Variants in NTRK2 observed in about 807,000 individuals in gnomAD.
NTRK2 encodes the protein BDNF/NT-3 growth factors receptor.
NTRK2 carries 13 observed loss-of-function variants against 94.5 expected under a neutral mutation model. The observed-to-expected ratio is 0.14, with a 90% confidence interval of 0.09 to 0.22. NTRK2 has a LOEUF of 0.22. NTRK2 is among the 10% of genes least tolerant of loss of function. The pLI is 1.00. For missense variants in NTRK2, 639 were observed against 1,071.2 expected, an observed-to-expected ratio of 0.60 and a Z score of 5.63; for synonymous variants, 372 against 407.4, an observed-to-expected ratio of 0.91 and a Z score of 1.05.
chr9:84,684,140 A>G (rs1564043399), intron 2 of NTRK2, among the ~76,000 whole-genome samples: 1 of 151,794 alleles, frequency 6.6e-6, no homozygotes, highest in Non-Finnish European at 1.5e-5. Context: ...CCCATTCTGT[A>G]GGTTGCCTGT....
At chr9:84,839,532 G>A (rs1298008684) in intron 12 of NTRK2, among the ~76,000 whole-genome samples, 2 of 152,162 alleles carry the variant, frequency 1.3e-5, no homozygotes, top group African/African-American at 4.8e-5. Context: ...AATCCTTGGG[G>A]TCACTCTTAC....
At chr9:84,799,671 C>T (rs1209276500) in intron 12 of NTRK2, among the ~76,000 whole-genome samples, 1 of 151,816 alleles carries the variant, frequency 6.6e-6, no homozygotes, top group Non-Finnish European at 1.5e-5. Flanking sequence ...CATGGGAGGG[C>T]ATTTTCACTA....
intron 12 of NTRK2, among the ~76,000 whole-genome samples, chr9:84,756,216 A>G (rs2065068665): frequency 6.6e-6 from 1 of 152,226 alleles, no homozygotes; most frequent in Non-Finnish European, 1.5e-5. Flanking sequence ...AGTAGGGCTG[A>G]AAGAATTTTC....
rs79429734 is a variant in NTRK2, at chr9:84,839,295, A to G, written c.1397-21745A>G. The stretch of plus-strand genomic sequence containing the variant: ...AGGGCAGATTTTAATTCTGACTTTT[A>G]ATTGGCCTGTCTTGTATCCTGTTCA... On this transcript the variant is annotated intron_variant, in intron 12 of 18. Transcript: ENST00000277120. Among the ~76,000 whole-genome samples, 731 of 152,324 alleles carry G rather than the reference A, an allele frequency of 4.8e-3. 10 individuals are homozygous for G. The highest frequency in any genetic ancestry group is 0.017 in the African/African-American group (690 of 41,574).
intron 14 of NTRK2, among the ~76,000 whole-genome samples, chr9:84,918,176 G>A (rs886067952): frequency 3.3e-5 from 5 of 152,174 alleles, no homozygotes; most frequent in African/African-American, 1.2e-4. Flanking sequence ...TTTGGAGCAG[G>A]GCTTCACATA....
intron 12 of NTRK2, among the ~76,000 whole-genome samples, chr9:84,846,338 G>A (rs2074471637): frequency 6.6e-6 from 1 of 152,216 alleles, no homozygotes; most frequent in Admixed American, 6.5e-5. Context: ...GTGATCAATA[G>A]AATGCAGTTT....
rs551963671 is a variant in NTRK2 at position 84,926,462 on chromosome 9, C to T, written c.1634-7700C>T. On this transcript the variant is annotated intron_variant, in intron 14 of 18. Transcript: ENST00000277120. ...GGTCAGGCTGGTCTTGAACTCCTGA[C>T]CTCAGGTGATCTGCCCTCCTCGGCC... is the stretch of plus-strand genomic sequence containing the variant. Among the ~76,000 whole-genome samples the T allele has an allele frequency of 6.0e-4, 91 of 152,052 alleles. 2 individuals carry two copies. The highest frequency in any genetic ancestry group is 2.2e-3 in the African/African-American group (91 of 41,490).
intron 14 of NTRK2, among the ~76,000 whole-genome samples, chr9:84,881,901 A>G (rs2076265157): frequency 6.6e-6 from 1 of 152,202 alleles, no homozygotes; most frequent in Non-Finnish European, 1.5e-5. Context: ...TTATGAGAGA[A>G]TAATTTCTCA....
chr9:84,764,797 T>A (rs1359034423), intron 12 of NTRK2, among the ~76,000 whole-genome samples: 1 of 152,148 alleles, frequency 6.6e-6, no homozygotes, highest in African/African-American at 2.4e-5. Context: ...TAGCTAAGAT[T>A]TGAAAGCAAC....
chr9:84,873,968 C>A, intron 14 of NTRK2: 1 of 1,063,104 alleles, frequency 9.4e-7, no homozygotes, highest in Non-Finnish European at 1.1e-6. Flanking sequence ...TGGAGTTCTG[C>A]ATCCTGCACA....
At position 84,870,349 on chromosome 9, in the gene NTRK2, A is replaced by G. The variant is rs1457787373; in HGVS notation, c.1633+2918A>G. On this transcript the variant is annotated intron_variant, in intron 14 of 18. Transcript: ENST00000277120. The stretch of plus-strand genomic sequence containing the variant: ...TGTGTGTGTATATATATATATATAT[A>G]TATATATATATATATAAAACTCTGT... Among the ~76,000 whole-genome samples, 35 of 121,490 alleles carry G rather than the reference A, an allele frequency of 2.9e-4. 2 individuals carry two copies. The highest frequency in any genetic ancestry group is 2.0e-3 in the South Asian group (7 of 3,422). 79.7% of individuals were successfully genotyped at this position (121,490 alleles called of 152,430 possible).
At chr9:84,839,540 T>C (rs1380556299) in intron 12 of NTRK2, among the ~76,000 whole-genome samples, 3 of 152,222 alleles carry the variant, frequency 2.0e-5, no homozygotes, top group Non-Finnish European at 4.4e-5. Context: ...GGGTCACTCT[T>C]ACTCTGTAAA....
intron 6 of NTRK2, among the ~76,000 whole-genome samples, chr9:84,718,562 G>T (rs1055965356): frequency 6.6e-6 from 1 of 152,094 alleles, no homozygotes; most frequent in Non-Finnish European, 1.5e-5. Context: ...AGACATTTAC[G>T]CAGAGGTATC....
At chr9:84,696,363 T>C (rs2060375343) in intron 2 of NTRK2, among the ~76,000 whole-genome samples, 1 of 152,262 alleles carries the variant, frequency 6.6e-6, no homozygotes, top group Admixed American at 6.5e-5. Flanking sequence ...GTTGTGTTCT[T>C]GTAATCTAAA....
chr9:84,765,253 C>G (rs2065922405), intron 12 of NTRK2, among the ~76,000 whole-genome samples: 1 of 151,914 alleles, frequency 6.6e-6, no homozygotes, highest in Non-Finnish European at 1.5e-5. Context: ...GGATAAATAC[C>G]CCATTCTTCA....
At chr9:84,910,642 A>G (rs1372779459) in intron 14 of NTRK2, among the ~76,000 whole-genome samples, 2 of 152,092 alleles carry the variant, frequency 1.3e-5, no homozygotes, top group African/African-American at 4.8e-5. Context: ...CCATAATTAA[A>G]CCCACTACAA....
In NTRK2 at chr9:84,777,304, C is replaced by G. The variant is rs546045797; in HGVS notation, c.1396+25219C>G. Among the ~76,000 whole-genome samples the G allele has an allele frequency of 3.2e-4, 49 of 152,274 alleles. 1 individual carries two copies. In the South Asian group the frequency reaches 0.01, roughly 32 times the overall value. ...CACCGTTCAGAGAACTCTGGAGAAA[C>G]TCTAACGGATGTTTACAAGATTGGA... On this transcript the variant is annotated intron_variant, in intron 12 of 18. Coordinates refer to ENST00000277120, the MANE Select transcript of NTRK2 (RefSeq NM_006180.6).
intron 17 of NTRK2, among the ~76,000 whole-genome samples, chr9:84,956,082 G>T (rs1225650062): frequency 6.6e-6 from 1 of 152,302 alleles, no homozygotes; most frequent in African/African-American, 2.4e-5. Flanking sequence ...TGAGGTTAAA[G>T]GATGCTGAGG....
chr9:84,811,947 G>A (rs2071849846), intron 12 of NTRK2: 2 of 1,021,138 alleles, frequency 2.0e-6, no homozygotes, highest in Non-Finnish European at 2.4e-6. Flanking sequence ...TTTATCAGGA[G>A]GACTTCAGAG....
Sources: gnomAD v4.1 joint callset for allele counts (sites outside exome capture counted in the v4.1 genomes callset) on GRCh38, gnomAD v4.1.1 for gene constraint, MANE v1.5 for transcripts, NCBI Gene and HGNC (gene_info 2026-07-23, HGNC 2026-07-21) for gene names.